The following CFAP20DC variants were observed in gnomAD, a reference collection of about 807,000 sequenced individuals.
CFAP20DC encodes protein CFAP20DC.
A neutral mutation model predicts 101.7 loss-of-function variants in CFAP20DC; 84 were observed. The ratio of observed to expected loss-of-function variants is 0.83; its 90% CI spans 0.69 to 0.99. CFAP20DC has a LOEUF of 0.99. CFAP20DC is among the 50% of genes least tolerant of loss of function. The probability of loss-of-function intolerance (pLI) is 0.00; values close to 1 mark genes in which losing one functional copy is unlikely to be tolerated. For synonymous variants in CFAP20DC, 359 were observed against 351.2 expected (o/e 1.02, Z -0.25); for missense variants, 1,007 against 970.3 (o/e 1.04, Z -0.50).
chr3:58,999,302 T>C (rs2093235279), intron 4 of CFAP20DC, among the ~76,000 whole-genome samples: 1 of 152,190 alleles, frequency 6.6e-6, no homozygotes, highest in Non-Finnish European at 1.5e-5. Context: ...GGCAGCCAAA[T>C]GGCCTTGAAA....
chr3:58,833,031 T>C (rs1559669389), intron 13 of CFAP20DC, among the ~76,000 whole-genome samples: 1 of 152,316 alleles, frequency 6.6e-6, no homozygotes, highest in Admixed American at 6.5e-5. Flanking sequence ...CTACATACAC[T>C]TTCTTGGAGG....
In CFAP20DC at chr3:58,802,296, GCT is replaced by G; in HGVS notation, c.2237+4097_2237+4098del. On this transcript the variant is annotated intron_variant, in intron 15 of 16. Transcript: ENST00000482387. Reference sequence around the variant, plus strand: ...TGAAGCTGCAAATGGCATCCATTTTGCTCTGCTTGGCAGCATGCAAGTGTACA... The same window carrying G: ...TGAAGCTGCAAATGGCATCCATTTTGCTGCTTGGCAGCATGCAAGTGTACA... Among the ~76,000 whole-genome samples, 8 of 152,348 alleles carry G rather than the reference GCT, an allele frequency of 5.3e-5. No individual in the cohort carries two copies. In the South Asian group the frequency reaches 1.7e-3, roughly 32 times the overall value.
intron 14 of CFAP20DC, among the ~76,000 whole-genome samples, chr3:58,807,079 G>A (rs947256205): frequency 1.3e-5 from 2 of 152,154 alleles, no homozygotes; most frequent in Non-Finnish European, 1.5e-5. Context: ...CTCGACCTGG[G>A]TGGAGCCCAC....
At chr3:58,812,809 A>AT (rs1223155688) in intron 14 of CFAP20DC, among the ~76,000 whole-genome samples, 1 of 151,876 alleles carries the variant, frequency 6.6e-6, no homozygotes, top group Non-Finnish European at 1.5e-5. Context: ...TATCATTATT[A>AT]TTATTTTAGT....
intron 15 of CFAP20DC, among the ~76,000 whole-genome samples, chr3:58,796,562 G>A (rs1333555880): frequency 6.6e-6 from 1 of 152,110 alleles, no homozygotes; most frequent in East Asian, 1.9e-4. Context: ...GTTGACTAAG[G>A]ACCTCTCCAG....
chr3:58,720,820 T>C (rs1421922788), intron 3 of CFAP20DC, among the ~76,000 whole-genome samples: 1 of 152,200 alleles, frequency 6.6e-6, no homozygotes, highest in African/African-American at 2.4e-5. Context: ...CTGAGAAATA[T>C]TTATACTTCT....
At chr3:58,767,492 T>C (rs184299307) in intron 15 of CFAP20DC, among the ~76,000 whole-genome samples, 2 of 152,332 alleles carry the variant, frequency 1.3e-5, no homozygotes, top group East Asian at 3.9e-4. Context: ...ATAGAATTCA[T>C]CTCCCACTTC....
intron 4 of CFAP20DC, among the ~76,000 whole-genome samples, chr3:58,953,124 A>G (rs1157444924): frequency 6.6e-6 from 1 of 152,192 alleles, no homozygotes; most frequent in African/African-American, 2.4e-5. Context: ...GGCCTCTCAC[A>G]TAAGGCAACG....
chr3:58,842,358 G>A (rs553101729), intron 13 of CFAP20DC, among the ~76,000 whole-genome samples: 14 of 152,188 alleles, frequency 9.2e-5, no homozygotes, highest in Admixed American at 7.9e-4. Flanking sequence ...CCTGGGAAGC[G>A]CAAGGGGTCA....
At chr3:58,965,876 G>T (rs939652383) in intron 4 of CFAP20DC, among the ~76,000 whole-genome samples, 3 of 152,298 alleles carry the variant, frequency 2.0e-5, no homozygotes, top group African/African-American at 7.2e-5. Context: ...GAAGCACTTG[G>T]TGTTAGCTAT....
At position 58,722,964 on chromosome 3, in the gene CFAP20DC, G is replaced by C. The variant is rs1575512433; in HGVS notation, c.198-5336C>G. Reference sequence around the variant, plus strand: ...GCCACATTCATGAGCACATGATCAGGTTTCTCAAACAGTCGAAATCCCTGA... The same window carrying C: ...GCCACATTCATGAGCACATGATCAGCTTTCTCAAACAGTCGAAATCCCTGA... On this transcript the variant is annotated intron_variant, in intron 3 of 3. Coordinates refer to the CFAP20DC transcript ENST00000486145. This position sits in a 1 kb window ranked among gnomAD's most constrained non-coding sequence, Gnocchi z 4.5. Among the ~76,000 whole-genome samples, 1 of 152,282 alleles carries C rather than the reference G, an allele frequency of 6.6e-6. No individual in the cohort carries two copies. Among genetic ancestry groups the C allele is most frequent in the East Asian group, 1.9e-4 (1 of 5,180 alleles).
chr3:58,805,985 C>T (rs962567335), intron 15 of CFAP20DC, among the ~76,000 whole-genome samples: 2 of 152,044 alleles, frequency 1.3e-5, no homozygotes, highest in Non-Finnish European at 2.9e-5. Context: ...AAGATTTATG[C>T]CTAAAATTTA....
intron 4 of CFAP20DC, among the ~76,000 whole-genome samples, chr3:58,997,685 A>T (rs549834876): frequency 6.6e-6 from 1 of 152,350 alleles, no homozygotes; most frequent in African/African-American, 2.4e-5. Flanking sequence ...GGCTTGGAAG[A>T]ATGAATGTGA....
At chr3:58,888,812 C>T (rs2081893119) in intron 6 of CFAP20DC, among the ~76,000 whole-genome samples, 1 of 152,116 alleles carries the variant, frequency 6.6e-6, no homozygotes, top group African/African-American at 2.4e-5. Context: ...ATTATTTATA[C>T]TCCTTTGGGT....
intron 13 of CFAP20DC, among the ~76,000 whole-genome samples, chr3:58,842,763 T>C (rs1307158271): frequency 2.0e-5 from 3 of 152,220 alleles, no homozygotes; most frequent in Non-Finnish European, 2.9e-5. Flanking sequence ...TAAGTGTCCC[T>C]GTCTGACAGC....
chr3:58,970,854 T>C (rs1211440666), intron 4 of CFAP20DC: 1 of 152,172 alleles, frequency 6.6e-6, no homozygotes, highest in Admixed American at 6.6e-5. Context: ...AGCTCTAATT[T>C]ATTGCGTTGT....
intron 15 of CFAP20DC, among the ~76,000 whole-genome samples, chr3:58,767,641 A>T (rs570822524): frequency 1.0e-3 from 157 of 152,224 alleles, no homozygotes; most frequent in African/African-American, 3.6e-3. Flanking sequence ...CGATTCTCCC[A>T]CCTCAGCCTC....
At chr3:58,837,305 T>C (rs2076804042) in intron 13 of CFAP20DC, among the ~76,000 whole-genome samples, 1 of 152,164 alleles carries the variant, frequency 6.6e-6, no homozygotes, top group East Asian at 1.9e-4. Context: ...AATGGATACA[T>C]AAAGGATGAT....
intron 16 of CFAP20DC, among the ~76,000 whole-genome samples, chr3:58,747,490 A>G (rs1243155780): frequency 6.6e-6 from 1 of 152,174 alleles, no homozygotes; most frequent in East Asian, 1.9e-4. Context: ...ATGTGGCACT[A>G]GTTTATCAGA....
Sources: allele counts gnomAD v4.1 joint callset (sites outside exome capture counted in the v4.1 genomes callset), GRCh38; gene constraint gnomAD v4.1.1; non-coding constraint Gnocchi (gnomAD v3.1); transcripts MANE v1.5; gene names NCBI Gene and HGNC (gene_info 2026-07-23, HGNC 2026-07-21).